The following ADGRG4 variants were observed in gnomAD, a reference collection of about 807,000 sequenced individuals.
ADGRG4 encodes the protein adhesion G protein-coupled receptor G4.
ADGRG4 carries 122 observed loss-of-function variants against 126.2 expected under a neutral mutation model. The ratio of observed to expected loss-of-function variants is 0.97; its 90% CI spans 0.83 to 1.12. ADGRG4 has a LOEUF of 1.12. Ranked by LOEUF, ADGRG4 falls within the 50% of genes most tolerant of loss-of-function variation. The pLI, the probability that ADGRG4 is intolerant of heterozygous loss-of-function variation, is 0.00. For synonymous variants in ADGRG4, 943 were observed against 838.7 expected (o/e 1.12, Z -2.15); for missense variants, 2,481 against 2,251.8 (o/e 1.10, Z -2.06).
At chrX:136,330,986 C>G (rs1475050122) in intron 5 of ADGRG4, among the ~76,000 whole-genome samples, 1 of 110,352 alleles carries the variant, frequency 9.1e-6, no homozygotes, top group Non-Finnish European at 1.9e-5. Flanking sequence ...TTCCCCTCCC[C>G]CAAGTCCCCC....
intron 5 of ADGRG4, among the ~76,000 whole-genome samples, chrX:136,340,902 A>G (rs748730774): frequency 8.9e-6 from 1 of 111,972 alleles, no homozygotes; most frequent in Non-Finnish European, 1.9e-5. Flanking sequence ...CTTTAGAGGA[A>G]AAATTTGATA....
Position 136,409,357 on chromosome X carries a change from C to T in ADGRG4, c.8936-2908C>T, listed in dbSNP as rs1419724873. Among the ~76,000 whole-genome samples the T allele has an allele frequency of 2.7e-5, 3 of 111,854 alleles. No homozygotes were observed. The East Asian group carries it at 8.4e-4, about 31-fold the overall frequency. Reference sequence around the variant, plus strand: ...TATGGGAAAGGAAAAGGAAAGCTGTCAGGCAGAGGGGGAGAGTTGGCAGGC... The same window carrying T: ...TATGGGAAAGGAAAAGGAAAGCTGTTAGGCAGAGGGGGAGAGTTGGCAGGC... On this transcript the variant is annotated intron_variant, in intron 23 of 25. Coordinates refer to ENST00000394143, the MANE Select transcript of ADGRG4 (RefSeq NM_153834.4).
chrX:136,330,915 G>C (rs897126747), intron 5 of ADGRG4, among the ~76,000 whole-genome samples: 1 of 110,950 alleles, frequency 9.0e-6, no homozygotes, highest in Non-Finnish European at 1.9e-5. Flanking sequence ...CAATCTAATA[G>C]TAGGTCTTAA....
intron 16 of ADGRG4, among the ~76,000 whole-genome samples, chrX:136,391,694 G>A (rs2075320359): frequency 8.9e-6 from 1 of 112,311 alleles, no homozygotes; most frequent in South Asian, 3.7e-4. Context: ...CCTGGGCTCT[G>A]GCCTCAGAGC....
intron 11 of ADGRG4, 116 bp downstream of exon 11, chrX:136,359,571 G>T: frequency 1.8e-5 from 9 of 509,017 alleles, no homozygotes; most frequent in South Asian, 4.6e-5. Flanking sequence ...TCATCTTTCT[G>T]TTTTTTTTTT....
At chrX:136,383,448 T>TA (rs1287531405) in intron 15 of ADGRG4, among the ~76,000 whole-genome samples, 4 of 112,012 alleles carry the variant, frequency 3.6e-5, no homozygotes, top group African/African-American at 1.3e-4. Context: ...GGTTTGAATA[T>TA]AAAAAACCAA....
intron 5 of ADGRG4, among the ~76,000 whole-genome samples, chrX:136,331,552 T>G (rs2074909978): frequency 8.9e-6 from 1 of 112,369 alleles, no homozygotes; most frequent in Admixed American, 9.4e-5. Flanking sequence ...GTATAAGGGA[T>G]CTAGTTTCTC....
chrX:136,321,538 C>T (rs1222809823), intron 4 of ADGRG4, among the ~76,000 whole-genome samples: 5 of 111,772 alleles, frequency 4.5e-5, no homozygotes, highest in South Asian at 3.8e-4. Context: ...GTGGTCCCAA[C>T]GTTACAACTG....
At chrX:136,410,807 TA>T (rs1306771053) in intron 23 of ADGRG4, among the ~76,000 whole-genome samples, 5 of 111,548 alleles carry the variant, frequency 4.5e-5, no homozygotes, top group African/African-American at 1.6e-4. Context: ...ACTCAACAGC[TA>T]GGTGGAGAAA....
intron 13 of ADGRG4, among the ~76,000 whole-genome samples, chrX:136,365,077 C>A (rs931137747): frequency 9.0e-6 from 1 of 111,722 alleles, no homozygotes; most frequent in Non-Finnish European, 1.9e-5. Flanking sequence ...GATCTTTTTG[C>A]GATGTGATAA....
chrX:136,303,610 A>G (rs2074716508), intron 1 of ADGRG4, among the ~76,000 whole-genome samples: 1 of 112,617 alleles, frequency 8.9e-6, no homozygotes, highest in Admixed American at 9.4e-5. Flanking sequence ...AAAGGAATGC[A>G]TGGGAATGAC....
intron 3 of ADGRG4, among the ~76,000 whole-genome samples, chrX:136,306,925 GC>G (rs1198121171): frequency 9.1e-6 from 1 of 110,476 alleles, no homozygotes; most frequent in African/African-American, 3.3e-5. Context: ...TGTTGCCTAG[GC>G]TGGTTTCGAG....
intron 15 of ADGRG4, among the ~76,000 whole-genome samples, chrX:136,381,920 G>A: frequency 9.0e-6 from 1 of 110,983 alleles, no homozygotes; most frequent in Non-Finnish European, 1.9e-5. Flanking sequence ...ATGTTTTTCT[G>A]CCTGCTTTAT....
chrX:136,364,228 A>C (rs755744970), intron 13 of ADGRG4, among the ~76,000 whole-genome samples: 4 of 111,520 alleles, frequency 3.6e-5, no homozygotes, highest in Middle Eastern at 4.6e-3. Flanking sequence ...TGTGTAAAAC[A>C]TCTCCCTCCC....
intron 5 of ADGRG4, among the ~76,000 whole-genome samples, chrX:136,336,338 G>T (rs955794432): frequency 1.8e-5 from 2 of 111,431 alleles, no homozygotes; most frequent in Admixed American, 9.5e-5. Flanking sequence ...TTGTTGAGTG[G>T]AGTGCTCTAT....
chrX:136,318,829 T>A (rs2074821223), intron 4 of ADGRG4, among the ~76,000 whole-genome samples: 1 of 112,514 alleles, frequency 8.9e-6, no homozygotes, highest in African/African-American at 3.2e-5. Context: ...TACTTGCTAA[T>A]ACTTTTCAGT....
At chrX:136,325,732 A>G (rs2074868389) in intron 5 of ADGRG4, among the ~76,000 whole-genome samples, 1 of 91,622 alleles carries the variant, frequency 1.1e-5, no homozygotes, top group South Asian at 5.5e-4. Context: ...TTTTTTTGAG[A>G]TGGAGTCTCG....
rs2075050751 is a variant in ADGRG4 at position 136,350,050 on chromosome X, C to T, written c.6344C>T (p.Ala2115Val). ...PEASSRTTIT[A>V]NPRTVSHPSS... Reference sequence around the variant, plus strand: ...GCATCCTCCAGAACCACAATAACTGCCAACCCCAGGACTGTGTCTCATCCT... The same window carrying T: ...GCATCCTCCAGAACCACAATAACTGTCAACCCCAGGACTGTGTCTCATCCT... Residue 2115 changes from alanine to valine, a missense_variant, in exon 6 of 26, where the codon GCC becomes GTC. Physicochemically the swap from Ala to Val is moderately conservative, Grantham distance 64. Coordinates refer to ENST00000394143, the MANE Select transcript of ADGRG4 (RefSeq NM_153834.4). The T allele has an allele frequency of 8.3e-7, 1 of 1,210,796 alleles. No homozygotes were observed. The highest frequency in any genetic ancestry group is 1.1e-6 in the Non-Finnish European group (1 of 894,888).
rs1248307011 is a variant in ADGRG4, at chrX:136,380,646, TTCTTCC to T, written c.7777-7091_7777-7086del. Among the ~76,000 whole-genome samples the T allele has an allele frequency of 2.4e-3, 197 of 81,141 alleles. 2 individuals are homozygous for T. Among genetic ancestry groups the T allele is most frequent in the African/African-American group, 7.9e-3 (162 of 20,480 alleles). The allele number at this position is 81,141 out of a possible 115,157, so 70.5% of individuals were successfully genotyped here. A position where few individuals can be genotyped will look rare whatever the true frequency, so the allele number is the denominator to read the frequency against. On this transcript the variant is annotated intron_variant, in intron 15 of 25. Transcript: ENST00000394143. ...CTTCTTCTTCTTCTTCTTCTTCTTC[TTCTTCC>T]TCCTCCTCCTCCTCCTCTTCCTCCT...
Sources: gnomAD v4.1 joint callset for allele counts (sites outside exome capture counted in the v4.1 genomes callset) on GRCh38, gnomAD v4.1.1 for gene constraint, MANE v1.5 for transcripts, NCBI Gene and HGNC (gene_info 2026-07-23, HGNC 2026-07-21) for gene names.